Variants in ETV6 observed in about 807,000 individuals in gnomAD.
ETV6 encodes the protein ETS variant transcription factor 6.
Under a neutral mutation model 51.1 loss-of-function variants are expected in ETV6, and 16 were observed. The observed-to-expected ratio is 0.31, with a 90% CI of 0.21 to 0.48. The LOEUF (loss-of-function observed/expected upper bound fraction) is 0.48. ETV6 is among the 20% of genes least tolerant of loss of function. The pLI, the probability that ETV6 is intolerant of heterozygous loss-of-function variation, is 0.99. For synonymous variants in ETV6, 240 were observed against 224.1 expected (o/e 1.07, Z -0.64); for missense variants, 458 against 594.8 (o/e 0.77, Z 2.39).
At chr12:11,694,259 A>G (rs1487924655) in intron 1 of ETV6, among the ~76,000 whole-genome samples, 2 of 152,184 alleles carry the variant, frequency 1.3e-5, no homozygotes, top group Non-Finnish European at 2.9e-5. Context: ...GACCTCTGTG[A>G]GTCTGCATAT....
chr12:11,735,086 C>CTTTTTTTTT lies in ETV6; in HGVS notation c.34-17346_34-17338dup, dbSNP rs58797937. ...AAAGGTGCAAAGGTGGCAAGGTGGC[C>CTTTTTTTTT]TTTTTTTTTTTTTTTTTTTTTTTTT... On this transcript the variant is annotated intron_variant, in intron 1 of 7. Transcript: ENST00000396373. 2.6e-5 allele frequency among the ~76,000 whole-genome samples: 2 copies of CTTTTTTTTT among 76,240 alleles called. 1 individual carries two copies. Among genetic ancestry groups the CTTTTTTTTT allele is most frequent in the African/African-American group, 1.1e-4 (2 of 17,736 alleles). 50.0% of individuals were successfully genotyped at this position (76,240 alleles called of 152,430 possible).
chr12:11,733,636 A>C (rs1202379569), intron 1 of ETV6, among the ~76,000 whole-genome samples: 1 of 152,090 alleles, frequency 6.6e-6, no homozygotes, highest in African/African-American at 2.4e-5. Flanking sequence ...ACACTAGGCC[A>C]TGCTTCCCCG....
At chr12:11,835,933 C>T (rs1235863819) in intron 2 of ETV6, among the ~76,000 whole-genome samples, 3 of 152,194 alleles carry the variant, frequency 2.0e-5, no homozygotes, top group African/African-American at 4.8e-5. Context: ...CCCTTAAATG[C>T]GTTGGGCCTC....
In ETV6 at chr12:11,758,639, A is replaced by T. The variant is rs149752454; in HGVS notation, c.163+6060A>T. ...CTTCCCGTTCTCGCCTGAATCTGTG[A>T]ATCTCCTTCAGCCTTCCCCACTCTT... On this transcript the variant is annotated intron_variant, in intron 2 of 7. Coordinates refer to ENST00000396373, the MANE Select transcript of ETV6 (RefSeq NM_001987.5). Among the ~76,000 whole-genome samples the T allele has an allele frequency of 1.6e-3, 243 of 152,178 alleles. 1 individual carries two copies. The highest frequency in any genetic ancestry group is 6.8e-3 in the Middle Eastern group (2 of 294).
At chr12:11,725,530 C>A (rs2900208) in intron 1 of ETV6, among the ~76,000 whole-genome samples, 44,020 of 151,900 alleles carry the variant, frequency 0.29, 6,930 homozygotes, top group East Asian at 0.45. Context: ...TTTCTTTTCC[C>A]ATAGGATTTA....
chr12:11,811,337 T>A (rs1361418037), intron 2 of ETV6, among the ~76,000 whole-genome samples: 1 of 152,234 alleles, frequency 6.6e-6, no homozygotes, highest in Non-Finnish European at 1.5e-5. Flanking sequence ...AGAAGCAGTG[T>A]CTTTTGGAAT....
At chr12:11,870,743 G>C (rs1411408177) in intron 5 of ETV6, among the ~76,000 whole-genome samples, 1 of 152,198 alleles carries the variant, frequency 6.6e-6, no homozygotes, top group African/African-American at 2.4e-5. Flanking sequence ...GGGATACAGA[G>C]CTAGTTTAAC....
intron 2 of ETV6, among the ~76,000 whole-genome samples, chr12:11,782,279 G>A (rs955736569): frequency 3.9e-5 from 6 of 151,944 alleles, no homozygotes; most frequent in Non-Finnish European, 7.4e-5. Flanking sequence ...AGTGGTAGAT[G>A]TGAACAATCT....
At chr12:11,852,158 T>C (rs772898739) in intron 3 of ETV6, among the ~76,000 whole-genome samples, 2 of 152,220 alleles carry the variant, frequency 1.3e-5, no homozygotes, top group South Asian at 4.1e-4. Context: ...ACCTGCATTT[T>C]CAGCTTGGAT....
rs1864379370 is a variant in ETV6 at position 11,674,604 on chromosome 12, GTAGGGGTTATT to G, written c.33+24446_33+24456del. 2.1e-5 allele frequency among the ~76,000 whole-genome samples: 3 copies of G among 145,178 alleles called. No homozygotes were observed. The East Asian group carries it at 6.1e-4, about 30-fold the overall frequency. ...TAGCTCAAGGCCCATAGGGGTTAAT[GTAGGGGTTATT>G]TGTGTGTGTGTGTGTGTGTGTGTGT... On this transcript the variant is annotated intron_variant, in intron 1 of 7. Transcript: ENST00000396373.
intron 5 of ETV6, among the ~76,000 whole-genome samples, chr12:11,882,757 A>C (rs1041329335): frequency 1.7e-5 from 2 of 117,820 alleles, no homozygotes; most frequent in South Asian, 3.3e-4. Flanking sequence ...GGGTGGCCCA[A>C]CTGAATTCCC....
At chr12:11,828,275 C>G (rs1946189695) in intron 2 of ETV6, among the ~76,000 whole-genome samples, 1 of 152,156 alleles carries the variant, frequency 6.6e-6, no homozygotes, top group Non-Finnish European at 1.5e-5. Flanking sequence ...TTGACCCTAA[C>G]TACTATGAAG....
chr12:11,731,638 T>C (rs1325505082), intron 1 of ETV6, among the ~76,000 whole-genome samples: 2 of 152,176 alleles, frequency 1.3e-5, no homozygotes, highest in Non-Finnish European at 2.9e-5. Context: ...TTAGTCATAC[T>C]TGTTAGGTAT....
rs74483919 is a variant in ETV6, at chr12:11,695,085, C to T, written c.33+44925C>T. Among the ~76,000 whole-genome samples the T allele has an allele frequency of 7.4e-3, 1,130 of 152,236 alleles. 6 individuals carry two copies. Among genetic ancestry groups the T allele is most frequent in the African/African-American group, 0.025 (1,053 of 41,534 alleles). On this transcript the variant is annotated intron_variant, in intron 1 of 7. Coordinates refer to ENST00000396373, the MANE Select transcript of ETV6 (RefSeq NM_001987.5). The stretch of plus-strand genomic sequence containing the variant: ...CGAAACATTTAATTTCTGGCATTTT[C>T]GTGCATGTGAGACTCATCTGATGTG...
intron 1 of ETV6, among the ~76,000 whole-genome samples, chr12:11,745,681 A>G (rs1485106781): frequency 6.6e-6 from 1 of 152,172 alleles, no homozygotes; most frequent in African/African-American, 2.4e-5. Flanking sequence ...GGCACCAAAT[A>G]GATGTTGGCA....
Position 11,858,458 on chromosome 12 carries a change from C to T in ETV6, c.463+4897C>T, listed in dbSNP as rs149733551. 5.6e-3 allele frequency among the ~76,000 whole-genome samples: 842 copies of T among 151,056 alleles called. 2 individuals are homozygous for T. The highest frequency in any genetic ancestry group is 9.3e-3 in the Non-Finnish European group (633 of 67,854). On this transcript the variant is annotated intron_variant, in intron 4 of 7. Transcript: ENST00000396373. ...GTGTTAGAACTACTGGAATATTGGC[C>T]CCCCAAAAACTCAACGGAAACATAA...
intron 1 of ETV6, among the ~76,000 whole-genome samples, chr12:11,706,509 G>A (rs1244865121): frequency 4.6e-5 from 7 of 152,204 alleles, no homozygotes; most frequent in Non-Finnish European, 7.3e-5. Context: ...GTTTTTCATA[G>A]GTTAAATAGT....
At position 11,687,013 on chromosome 12, in the gene ETV6, G is replaced by A. The variant is rs1591608450; in HGVS notation, c.33+36853G>A. On this transcript the variant is annotated intron_variant, in intron 1 of 7. Coordinates refer to ENST00000396373, the MANE Select transcript of ETV6 (RefSeq NM_001987.5). ...TGATTCTCCTGCCTCTGCCTCCTGA[G>A]TATCTGGGACTACAGGCGCACACCA... is the stretch of plus-strand genomic sequence containing the variant. Among the ~76,000 whole-genome samples, 3 of 152,138 alleles carry A rather than the reference G, an allele frequency of 2.0e-5. No individual in the cohort carries two copies. In the South Asian group the frequency reaches 6.2e-4, roughly 32 times the overall value.
chr12:11,748,427 TTTAA>T (rs1211254400), intron 1 of ETV6, among the ~76,000 whole-genome samples: 1 of 152,248 alleles, frequency 6.6e-6, no homozygotes, highest in Non-Finnish European at 1.5e-5. Flanking sequence ...TTATTTCTGT[TTTAA>T]TTAATTCCAA....
Sources: allele counts gnomAD v4.1 joint callset (sites outside exome capture counted in the v4.1 genomes callset), GRCh38; gene constraint gnomAD v4.1.1; transcripts MANE v1.5; gene names NCBI Gene and HGNC (gene_info 2026-07-23, HGNC 2026-07-21).